KIF23: variants seen among roughly 807,000 people sequenced by gnomAD.
KIF23 encodes the protein kinesin-like protein KIF23.
A neutral mutation model predicts 137.5 loss-of-function variants in KIF23; 30 were observed. The observed-to-expected ratio is 0.22, with a 90% CI of 0.16 to 0.30. KIF23 has a LOEUF of 0.30. Among genes scored for constraint, KIF23 ranks in the 10% least tolerant of loss-of-function variants. The pLI, the probability that KIF23 is intolerant of heterozygous loss-of-function variation, is 1.00. For missense variants in KIF23, 920 were observed against 1,194.3 expected, an observed-to-expected ratio of 0.77 and a Z score of 3.38; for synonymous variants, 367 against 391.1, an observed-to-expected ratio of 0.94 and a Z score of 0.73.
At chr15:69,434,636 GA>G in intron 11 of KIF23, 11 of 1,455,536 alleles carry the variant, frequency 7.6e-6, no homozygotes, top group Non-Finnish European at 8.6e-6. Context: ...GTAGGGGATG[GA>G]AAAAGTCATG....
chr15:69,418,177 C>G (rs1397862259), intron 3 of KIF23, among the ~76,000 whole-genome samples: 2 of 152,168 alleles, frequency 1.3e-5, no homozygotes, highest in Non-Finnish European at 2.9e-5. Flanking sequence ...GCCTACTATT[C>G]CTGTGAAATT....
At position 69,425,928 on chromosome 15, in the gene KIF23, C is replaced by T. The variant is rs970980137; in HGVS notation, c.777-142C>T. The T allele has an allele frequency of 9.0e-5, 18 of 199,548 alleles. 1 individual carries two copies. Among genetic ancestry groups the T allele is most frequent in the South Asian group, 7.4e-4 (4 of 5,400 alleles). The allele number at this position is 199,548 out of a possible 1,614,324, so 12.4% of individuals were successfully genotyped here. Reference sequence around the variant, plus strand: ...TTTAATATTTCTCTGGAGTATTATACGTTATATATATATTATAAAATATAT... The same window carrying T: ...TTTAATATTTCTCTGGAGTATTATATGTTATATATATATTATAAAATATAT... On this transcript the variant is annotated intron_variant, in intron 8 of 23. Transcript: ENST00000679126.
rs186372362 is a variant in KIF23 at position 69,419,749 on chromosome 15, A to G, written c.211-1898A>G. Among the ~76,000 whole-genome samples, 210 of 152,356 alleles carry G rather than the reference A, an allele frequency of 1.4e-3. 1 individual carries two copies. Among genetic ancestry groups the G allele is most frequent in the African/African-American group, 5.0e-3 (208 of 41,578 alleles). ...ATGTTCTGTTCATCAAATAGTAAAT[A>G]TGGCTTCAGCAAGAATGAATGGTCT... On this transcript the variant is annotated intron_variant, in intron 3 of 23. Coordinates refer to ENST00000679126, the MANE Select transcript of KIF23 (RefSeq NM_001367805.3).
At chr15:69,445,627 A>G (rs1348247271) in intron 20 of KIF23, among the ~76,000 whole-genome samples, 1 of 152,116 alleles carries the variant, frequency 6.6e-6, no homozygotes, top group Non-Finnish European at 1.5e-5. Context: ...AAATAAGACT[A>G]TACTGTCATT....
rs1224555945 is a variant in KIF23, at chr15:69,447,834, A to G, written c.*27A>G. 3 of 1,599,332 alleles carry G rather than the reference A, an allele frequency of 1.9e-6. No homozygotes were observed. In the African/African-American group the frequency reaches 4.0e-5, roughly 21 times the overall value. ...CTGACAGTCCCAGTACTGAAAGAACATTTTCATTTGTGTGGATGATTTCTC... is the reference window on the plus strand; with the variant it reads ...CTGACAGTCCCAGTACTGAAAGAACGTTTTCATTTGTGTGGATGATTTCTC... On this transcript the variant is annotated 3_prime_UTR_variant, in exon 24 of 24. Coordinates refer to ENST00000679126, the MANE Select transcript of KIF23 (RefSeq NM_001367805.3).
intron 3 of KIF23, among the ~76,000 whole-genome samples, chr15:69,419,075 C>T (rs2056988444): frequency 6.6e-6 from 1 of 152,158 alleles, no homozygotes; most frequent in African/African-American, 2.4e-5. Context: ...CGAGATCGCG[C>T]CATTGCACTC....
chr15:69,415,227 A>G (rs934795408), intron 1 of KIF23, among the ~76,000 whole-genome samples: 8 of 152,246 alleles, frequency 5.3e-5, no homozygotes, highest in Admixed American at 1.3e-4. Flanking sequence ...GATGAAAAAA[A>G]TTATATATAA....
chr15:69,431,562 C>T (rs1280508793), intron 11 of KIF23, among the ~76,000 whole-genome samples: 2 of 151,720 alleles, frequency 1.3e-5, no homozygotes, highest in Admixed American at 6.6e-5. Context: ...TGCAGTGAGC[C>T]GAGATCGCGC....
At chr15:69,440,158 T>C (rs963422806) in intron 17 of KIF23, 81 bp downstream of exon 17, 2 of 1,525,858 alleles carry the variant, frequency 1.3e-6, no homozygotes, top group Non-Finnish European at 8.9e-7. Context: ...TTTTGAATTA[T>C]TGTATTTGCG....
At chr15:69,436,980 C>G (rs1000072330) in intron 15 of KIF23, among the ~76,000 whole-genome samples, 1 of 152,156 alleles carries the variant, frequency 6.6e-6, no homozygotes, top group Non-Finnish European at 1.5e-5. Context: ...GTCTCAAACT[C>G]CTGACCTCAA....
rs538576274 is a variant in KIF23 at position 69,426,079 on chromosome 15, A to G, written c.786A>G (p.Gln262=). 4 of 1,583,558 alleles carry G rather than the reference A, an allele frequency of 2.5e-6. No homozygotes were observed. Among genetic ancestry groups the G allele is most frequent in the Non-Finnish European group, 3.4e-6 (4 of 1,172,596 alleles). The change falls in exon 9 of 24, where the codon CAA becomes CAG. Residue 262 remains glutamine (Q), a synonymous_variant. Coordinates refer to ENST00000679126, the MANE Select transcript of KIF23 (RefSeq NM_001367805.3). The stretch of plus-strand genomic sequence containing the variant: ...TTTTTCTTTCCCATAGACCTCCACA[A>G]TCTAAATTGCTTCGTGAAGATAAGA... ...PMRNTDFVPP[Q]SKLLREDKNH...
In KIF23 at chr15:69,436,043, A is replaced by G. The variant is rs980880035; in HGVS notation, c.1315-95A>G. On this transcript the variant is annotated intron_variant, in intron 13 of 23. Coordinates refer to ENST00000679126, the MANE Select transcript of KIF23 (RefSeq NM_001367805.3). ...TCCAGCCTGGTGACAGACTGTCTCA[A>G]ATAAATAAAAATAAGCAATCTTTGC... 18 of 1,496,394 alleles carry G rather than the reference A, an allele frequency of 1.2e-5. No homozygotes were observed. In the African/African-American group the frequency reaches 2.1e-4, roughly 17 times the overall value. The allele number at this position is 1,496,394 out of a possible 1,614,324, so 92.7% of individuals were successfully genotyped here.
rs1047868442 is a variant in KIF23 at position 69,436,681 on chromosome 15, A to G, written c.1556A>G (p.His519Arg). 2 of 1,606,498 alleles carry G rather than the reference A, an allele frequency of 1.2e-6. No individual in the cohort carries two copies. The highest frequency in any genetic ancestry group is 1.7e-5 in the Admixed American group (1 of 59,634). Residue 519 changes from histidine to arginine, a missense_variant, in exon 15 of 24, where the codon CAT (histidine) becomes CGT (arginine). By Grantham distance (29) the His-to-Arg change is conservative (BLOSUM62 0). Transcript: ENST00000679126. ...CTGATTGAAGCCTTAGAGAAACGACATAACTTACGACAAATGATGATTGAT... is the reference window on the plus strand; with the variant it reads ...CTGATTGAAGCCTTAGAGAAACGACGTAACTTACGACAAATGATGATTGAT... ...PRLIEALEKR[H>R]NLRQMMIDEF...
intron 7 of KIF23, among the ~76,000 whole-genome samples, chr15:69,423,937 G>A (rs898549407): frequency 6.6e-5 from 10 of 152,086 alleles, no homozygotes; most frequent in Admixed American, 3.9e-4. Context: ...GGGATCTTAT[G>A]TTTAATATTA....
At chr15:69,425,258 A>C (rs1212448483) in intron 7 of KIF23, 24 bp from the exon 8 acceptor site, 4 of 1,531,180 alleles carry the variant, frequency 2.6e-6, no homozygotes, top group Non-Finnish European at 3.5e-6. Context: ...AGAAACAGTA[A>C]CTTCTACCTT....
At chr15:69,427,068 G>A (rs2057214394) in intron 10 of KIF23, among the ~76,000 whole-genome samples, 1 of 152,006 alleles carries the variant, frequency 6.6e-6, no homozygotes, top group Admixed American at 6.6e-5. Flanking sequence ...GATCACTTGA[G>A]GCCAGGAGTT....
At chr15:69,416,637 C>G (rs2056916740) in intron 2 of KIF23, among the ~76,000 whole-genome samples, 1 of 152,178 alleles carries the variant, frequency 6.6e-6, no homozygotes, top group Non-Finnish European at 1.5e-5. Flanking sequence ...GAGTTTTCCT[C>G]AAGCCCCCTC....
chr15:69,435,420 A>G, intron 11 of KIF23, 63 bp from the exon 12 acceptor site: 3 of 1,296,438 alleles, frequency 2.3e-6, no homozygotes, highest in Non-Finnish European at 3.3e-6. Flanking sequence ...ATAGGCAAAC[A>G]GAACACACTT....
rs774923273 is a variant in KIF23, at chr15:69,416,109, C to A, written c.81+46C>A. On this transcript the variant is annotated intron_variant, in intron 2 of 23. Transcript: ENST00000679126. Reference sequence around the variant, plus strand: ...TATGTGTGGTGTTTAAGAAACTTATCTCTTCAGTCCTTTCTGTCTTATGTG... The same window carrying A: ...TATGTGTGGTGTTTAAGAAACTTATATCTTCAGTCCTTTCTGTCTTATGTG... 11 of 1,229,226 alleles carry A rather than the reference C, an allele frequency of 8.9e-6. No homozygotes were observed. The South Asian group carries it at 1.3e-4, about 15-fold the overall frequency. 76.1% of individuals were successfully genotyped at this position (1,229,226 alleles called of 1,614,324 possible). A position where few individuals can be genotyped will look rare whatever the true frequency, so the allele number is the denominator to read the frequency against.
Sources: allele counts gnomAD v4.1 joint callset (sites outside exome capture counted in the v4.1 genomes callset), GRCh38; gene constraint gnomAD v4.1.1; transcripts MANE v1.5; gene names NCBI Gene and HGNC (gene_info 2026-07-23, HGNC 2026-07-21).